Variants in SGIP1 observed in about 807,000 individuals in gnomAD.
SGIP1 encodes the protein SH3-containing GRB2-like protein 3-interacting protein 1.
Under a neutral mutation model 107.5 loss-of-function variants are expected in SGIP1, and 38 were observed. That is an observed-to-expected ratio of 0.35 (90% confidence interval 0.27 to 0.46). The LOEUF is 0.46. SGIP1 is among the 20% of genes least tolerant of loss of function. The probability of loss-of-function intolerance (pLI) is 1.00; values close to 1 mark genes in which losing one functional copy is unlikely to be tolerated. For missense variants in SGIP1, 929 were observed against 1,019.5 expected (o/e 0.91, Z 1.21); for synonymous variants, 365 against 366.1 (o/e 1.00, Z 0.03).
chr1:66,742,275 GT>G (rs1391925107), intron 24 of SGIP1, among the ~76,000 whole-genome samples: 1 of 151,882 alleles, frequency 6.6e-6, no homozygotes, highest in Non-Finnish European at 1.5e-5. Flanking sequence ...AAACAATGGG[GT>G]TTTATTTTGT....
intron 1 of SGIP1, among the ~76,000 whole-genome samples, chr1:66,564,657 A>T (rs1443810451): frequency 6.6e-6 from 1 of 151,982 alleles, no homozygotes; most frequent in African/African-American, 2.4e-5. Flanking sequence ...ATCATGCTGC[A>T]TCAGTTATTC....
Position 66,679,667 on chromosome 1 carries a change from T to C in SGIP1, c.740-11T>C. The C allele has an allele frequency of 6.2e-7, 1 of 1,602,794 alleles. No individual in the cohort carries two copies. On this transcript the variant is annotated splice_polypyrimidine_tract_variant and intron_variant, in intron 13 of 24. Transcript: ENST00000371037. ...ATGACCAATGATACTTAATTTCTCA[T>C]CTTTTTGCAGCACCTCCACCACTGC...
At chr1:66,596,071 T>C (rs2064609839) in intron 1 of SGIP1, among the ~76,000 whole-genome samples, 1 of 152,178 alleles carries the variant, frequency 6.6e-6, no homozygotes, top group Admixed American at 6.5e-5. Flanking sequence ...AGTGCACAAG[T>C]GCACATAAAA....
chr1:66,729,455 A>G lies in SGIP1; in HGVS notation c.1898+36A>G, dbSNP rs576198194. 73 of 1,613,282 alleles carry G rather than the reference A, an allele frequency of 4.5e-5. 1 individual carries two copies. In the Admixed American group the frequency reaches 9.8e-4, roughly 22 times the overall value. On this transcript the variant is annotated intron_variant, in intron 20 of 24. Coordinates refer to ENST00000371037, the MANE Select transcript of SGIP1 (RefSeq NM_032291.4). ...TTTTGCATAAATTTTTCAGAGATACATGTGGCTTAGTACTTTGTACTTAGA... is the reference window on the plus strand; with the variant it reads ...TTTTGCATAAATTTTTCAGAGATACGTGTGGCTTAGTACTTTGTACTTAGA...
intron 4 of SGIP1, among the ~76,000 whole-genome samples, chr1:66,639,486 A>G (rs2076387012): frequency 6.6e-6 from 1 of 152,236 alleles, no homozygotes; most frequent in Non-Finnish European, 1.5e-5. Flanking sequence ...GGTGCTGCTA[A>G]TTCTTCAGTA....
intron 19 of SGIP1, among the ~76,000 whole-genome samples, chr1:66,721,793 A>T (rs2093550690): frequency 6.6e-6 from 1 of 152,122 alleles, no homozygotes; most frequent in Admixed American, 6.6e-5. Flanking sequence ...ACAAGAATGA[A>T]TTCATCTTTG....
rs140048276 is a variant in SGIP1, at chr1:66,645,495, T to C, written c.459+1776T>C. Among the ~76,000 whole-genome samples the C allele has an allele frequency of 5.3e-4, 80 of 152,272 alleles. No individual in the cohort carries two copies. The Middle Eastern group carries it at 0.01, about 19-fold the overall frequency. On this transcript the variant is annotated intron_variant, in intron 7 of 24. Transcript: ENST00000371037. ...TAAGGGAAGCAGAGTGAAAACTAGA[T>C]GGAGACACCCAGAGAGAGTGACCTC...
chr1:66,679,329 A>T lies in SGIP1; in HGVS notation c.740-349A>T, dbSNP rs150090238. On this transcript the variant is annotated intron_variant, in intron 13 of 24. Transcript: ENST00000371037. ...AGTCAGTCATAAATCCCTTGAGGCC[A>T]AAGACTATTTTTATTCAACCCTATG... Among the ~76,000 whole-genome samples, 84 of 152,270 alleles carry T rather than the reference A, an allele frequency of 5.5e-4. 1 individual carries two copies. In the East Asian group the frequency reaches 0.015, roughly 27 times the overall value.
intron 5 of SGIP1, among the ~76,000 whole-genome samples, chr1:66,642,054 T>A (rs2149485559): frequency 6.6e-6 from 1 of 152,336 alleles, no homozygotes; most frequent in East Asian, 1.9e-4. Context: ...CCCAAGGCTA[T>A]CCTGGAACAT....
Position 66,741,224 on chromosome 1 carries a change from C to T in SGIP1, c.2300-48C>T, listed in dbSNP as rs745867418. 1.5e-5 allele frequency: 22 copies of T among 1,487,064 alleles called. No individual in the cohort carries two copies. The East Asian group carries it at 3.1e-4, about 21-fold the overall frequency. The allele number at this position is 1,487,064 out of a possible 1,614,324, so 92.1% of individuals were successfully genotyped here. ...TGAATGCAACCTCCAAAATTATATCCGAAATATTATGTTGACTGTTACCTT... is the reference window on the plus strand; with the variant it reads ...TGAATGCAACCTCCAAAATTATATCTGAAATATTATGTTGACTGTTACCTT... On this transcript the variant is annotated intron_variant, in intron 23 of 24. Coordinates refer to ENST00000371037, the MANE Select transcript of SGIP1 (RefSeq NM_032291.4).
chr1:66,658,829 A>G (rs1478368170), intron 7 of SGIP1, among the ~76,000 whole-genome samples: 3 of 152,244 alleles, frequency 2.0e-5, no homozygotes, highest in African/African-American at 7.2e-5. Context: ...ATGGGTCACA[A>G]TCAAACCAGA....
intron 22 of SGIP1, among the ~76,000 whole-genome samples, chr1:66,739,956 CTGT>C (rs767258790): frequency 5.3e-5 from 8 of 152,192 alleles, no homozygotes; most frequent in Non-Finnish European, 7.3e-5. Context: ...GAGTGGACTC[CTGT>C]TGTTAGAAGA....
intron 15 of SGIP1, among the ~76,000 whole-genome samples, chr1:66,684,921 G>A (rs1199027577): frequency 6.6e-6 from 1 of 152,162 alleles, no homozygotes; most frequent in Non-Finnish European, 1.5e-5. Context: ...TGACTTTACT[G>A]GTATTTAAAG....
intron 1 of SGIP1, among the ~76,000 whole-genome samples, chr1:66,614,619 CT>C (rs1200440918): frequency 4.6e-5 from 7 of 151,860 alleles, no homozygotes; most frequent in Non-Finnish European, 1.0e-4. Flanking sequence ...TAATTTTTAA[CT>C]TTTTAAACCA....
At chr1:66,643,443 A>G (rs1261926485) in intron 6 of SGIP1, 101 bp from the exon 7 acceptor site, 3 of 918,388 alleles carry the variant, frequency 3.3e-6, no homozygotes, top group Non-Finnish European at 4.9e-6. Flanking sequence ...ATTTTCTGCC[A>G]TCTAAGGATA....
Position 66,682,280 on chromosome 1 carries a change from C to G in SGIP1, c.1226C>G (p.Ala409Gly). The G allele has an allele frequency of 1.2e-6, 2 of 1,614,220 alleles. 1 individual carries two copies. Among genetic ancestry groups the G allele is most frequent in the South Asian group, 2.2e-5 (2 of 91,086 alleles). ...AAAGATTTTGGGTTGGGACAAAGAGCAACTCCACCTCCCCCACCACCACCC... is the reference window on the plus strand; with the variant it reads ...AAAGATTTTGGGTTGGGACAAAGAGGAACTCCACCTCCCCCACCACCACCC... ...SPKDFGLGQRATPPPPPPPTY... is the reference protein window; with the variant it reads ...SPKDFGLGQRGTPPPPPPPTY... Residue 409 changes from alanine (A) to glycine (G), a missense_variant, in exon 15 of 25, where the codon GCA becomes GGA. Transcript: ENST00000371037.
rs1044681831 is a variant in SGIP1, at chr1:66,746,955, AT to A, written c.*3864del. ...TGTTTTGTATCATCACTTATTAATG[AT>A]TTTGGCTTGGTCACCACTATGCCTG... is the stretch of plus-strand genomic sequence containing the variant. On this transcript the variant is annotated 3_prime_UTR_variant, in exon 25 of 25. Transcript: ENST00000371037. 2 of 152,118 alleles carry A rather than the reference AT, an allele frequency of 1.3e-5. No individual in the cohort carries two copies. The highest frequency in any genetic ancestry group is 4.8e-5 in the African/African-American group (2 of 41,448). The allele number at this position is 152,118 out of a possible 1,614,324, so 9.4% of individuals were successfully genotyped here.
intron 7 of SGIP1, among the ~76,000 whole-genome samples, chr1:66,656,860 C>T (rs1307916419): frequency 6.6e-6 from 1 of 152,220 alleles, no homozygotes; most frequent in Non-Finnish European, 1.5e-5. Context: ...ATAATAGAAT[C>T]CCATTTATCA....
chr1:66,651,199 T>C (rs1404280659), intron 7 of SGIP1, among the ~76,000 whole-genome samples: 1 of 152,228 alleles, frequency 6.6e-6, no homozygotes, highest in African/African-American at 2.4e-5. Context: ...CATTGATGAC[T>C]TTGAGAACTT....
Sources: gnomAD v4.1 joint callset for allele counts (sites outside exome capture counted in the v4.1 genomes callset) on GRCh38, gnomAD v4.1.1 for gene constraint, MANE v1.5 for transcripts, NCBI Gene and HGNC (gene_info 2026-07-23, HGNC 2026-07-21) for gene names.